Variants in LMTK2 observed in about 807,000 individuals in gnomAD.
The protein encoded by LMTK2 is serine/threonine-protein kinase LMTK2.
A neutral mutation model predicts 127.5 loss-of-function variants in LMTK2; 37 were observed. The ratio of observed to expected loss-of-function variants is 0.29; its 90% CI spans 0.22 to 0.38. The LOEUF is 0.38. LMTK2 is among the 10% of genes least tolerant of loss of function. LMTK2 has a pLI of 1.00. For synonymous variants in LMTK2, 819 were observed against 810.1 expected (o/e 1.01, Z -0.19); for missense variants, 1,694 against 1,920.3 (o/e 0.88, Z 2.20).
intron 8 of LMTK2, among the ~76,000 whole-genome samples, chr7:98,186,061 CTTT>C (rs368390468): frequency 6.9e-6 from 1 of 144,808 alleles, no homozygotes; most frequent in Non-Finnish European, 1.5e-5. Context: ...TGCATCATCT[CTTT>C]TTTTTTTTTT....
chr7:98,116,392 G>C (rs1181237520), intron 1 of LMTK2, among the ~76,000 whole-genome samples: 1 of 128,130 alleles, frequency 7.8e-6, no homozygotes, highest in Non-Finnish European at 1.6e-5. Flanking sequence ...GTGTGTGTCT[G>C]TGTGTGTGTG....
At chr7:98,128,325 A>G (rs1796472682) in intron 1 of LMTK2, among the ~76,000 whole-genome samples, 1 of 152,132 alleles carries the variant, frequency 6.6e-6, no homozygotes, top group African/African-American at 2.4e-5. Flanking sequence ...TTGTCCTTGT[A>G]AAATGGGGAA....
At position 98,193,083 on chromosome 7, in the gene LMTK2, A is replaced by G. The variant is rs779517800; in HGVS notation, c.2618A>G (p.Asp873Gly). ...VTVPVEILSTDARTHSLDNRS... is the reference protein window; with the variant it reads ...VTVPVEILSTGARTHSLDNRS... ...GTCCCGGTTGAAATTCTCTCAACTG[A>G]TGCCAGAACCCACAGCCTGGATAAC... Residue 873 changes from aspartate to glycine, a missense_variant, in exon 11 of 14, where the codon GAT becomes GGT. Physicochemically the swap from Asp to Gly is moderately conservative, Grantham distance 94 (BLOSUM62 -1). This residue lies in a region of LMTK2 where 527 missense variants were observed against 539.8 expected (regional missense o/e 0.98). Coordinates refer to ENST00000297293, the MANE Select transcript of LMTK2 (RefSeq NM_014916.4). The surrounding 1 kb of genome is among the most constrained non-coding windows in gnomAD (Gnocchi z 4.1). 1 of 1,613,818 alleles carries G rather than the reference A, an allele frequency of 6.2e-7. No homozygotes were observed. The highest frequency in any genetic ancestry group is 2.2e-5 in the East Asian group (1 of 44,864).
chr7:98,199,515 G>A (rs1417153301), intron 11 of LMTK2, among the ~76,000 whole-genome samples: 4 of 148,158 alleles, frequency 2.7e-5, no homozygotes, highest in Non-Finnish European at 5.9e-5. Context: ...TCTTTTTTCG[G>A]AGACAGTCTC....
At chr7:98,144,189 G>A (rs899704850) in intron 3 of LMTK2, among the ~76,000 whole-genome samples, 2 of 151,954 alleles carry the variant, frequency 1.3e-5, no homozygotes, top group Admixed American at 6.5e-5. Flanking sequence ...CCAGCACTTC[G>A]GGAGGCCGAG....
intron 7 of LMTK2, among the ~76,000 whole-genome samples, chr7:98,176,650 G>A (rs1053670704): frequency 6.6e-6 from 1 of 152,154 alleles, no homozygotes; most frequent in African/African-American, 2.4e-5. Context: ...TTTGAGACCA[G>A]CCTGGCCAAC....
At position 98,203,574 on chromosome 7, in the gene LMTK2, G is replaced by A; in HGVS notation, c.4108G>A (p.Glu1370Lys). 1 of 1,582,772 alleles carries A rather than the reference G, an allele frequency of 6.3e-7. No homozygotes were observed. The highest frequency in any genetic ancestry group is 1.4e-5 in the African/African-American group (1 of 72,700). ...CAGGAGTTTCTGTTTGACTTTTCAG[G>A]AGACCCCAACCAAAGAGCTGGGGCC... The part of the protein sequence containing the change: ...DDVTVYLFDQ[E>K]TPTKELGPCG... The change falls in exon 12 of 14, where the codon GAG becomes AAG. Residue 1370 changes from glutamate (E) to lysine (K), a missense_variant and splice_region_variant. Transcript: ENST00000297293.
At chr7:98,111,217 G>A (rs887533596) in intron 1 of LMTK2, among the ~76,000 whole-genome samples, 2 of 152,186 alleles carry the variant, frequency 1.3e-5, no homozygotes, top group Admixed American at 1.3e-4. Flanking sequence ...TGTGCTGAGT[G>A]TTCCTGCAAA....
intron 7 of LMTK2, among the ~76,000 whole-genome samples, chr7:98,183,447 G>A (rs1232926121): frequency 6.6e-6 from 1 of 152,112 alleles, no homozygotes; most frequent in African/African-American, 2.4e-5. Context: ...GATTGCAGTA[G>A]TGCGATCTCG....
At chr7:98,113,880 A>C (rs546796551) in intron 1 of LMTK2, among the ~76,000 whole-genome samples, 1 of 152,048 alleles carries the variant, frequency 6.6e-6, no homozygotes, top group Non-Finnish European at 1.5e-5. Context: ...TGGCATTACA[A>C]TTGTTTGTCA....
rs775683692 is a variant in LMTK2 at position 98,194,320 on chromosome 7, CGAG to C, written c.3861_3863del (p.Glu1287del). 2.5e-6 allele frequency: 4 copies of C among 1,613,962 alleles called. No individual in the cohort carries two copies. Among genetic ancestry groups the C allele is most frequent in the African/African-American group, 1.3e-5 (1 of 74,900 alleles). The stretch of plus-strand genomic sequence containing the variant: ...TCTCAGAGGACGGGATGGATGCAGA[CGAG>C]GAGGACGAAAACAGCGACGACTCGG... On this transcript the variant is annotated inframe_deletion, in exon 11 of 14. Transcript: ENST00000297293. The surrounding 1 kb of genome is among the most constrained non-coding windows in gnomAD (Gnocchi z 5.4).
chr7:98,173,289 A>G (rs552502041), intron 7 of LMTK2, among the ~76,000 whole-genome samples: 2 of 151,900 alleles, frequency 1.3e-5, no homozygotes, highest in South Asian at 4.2e-4. Context: ...ATAGTAAACA[A>G]ATCATTCTGG....
intron 6 of LMTK2, among the ~76,000 whole-genome samples, chr7:98,162,846 G>A (rs1039854573): frequency 6.6e-6 from 1 of 152,158 alleles, no homozygotes; most frequent in African/African-American, 2.4e-5. Flanking sequence ...GGTTATTATC[G>A]AAACCACTAT....
At chr7:98,189,841 C>T (rs140068075) in intron 9 of LMTK2, among the ~76,000 whole-genome samples, 12 of 152,134 alleles carry the variant, frequency 7.9e-5, no homozygotes, top group Non-Finnish European at 1.2e-4. Context: ...CAGCTGCCAG[C>T]GTGATGGGGG....
chr7:98,107,383 G>A (rs1796126257), intron 1 of LMTK2, 103 bp downstream of exon 1: 2 of 422,272 alleles, frequency 4.7e-6, no homozygotes, highest in Non-Finnish European at 3.8e-6. Context: ...CGGAGGGCCT[G>A]CCGGGGGCGG....
chr7:98,188,603 T>C (rs1562919136), intron 9 of LMTK2, among the ~76,000 whole-genome samples: 1 of 152,194 alleles, frequency 6.6e-6, no homozygotes, highest in Non-Finnish European at 1.5e-5. Context: ...CAACCCTCCT[T>C]CATTTCCGAA....
intron 3 of LMTK2, among the ~76,000 whole-genome samples, chr7:98,148,443 A>G (rs1250107092): frequency 6.6e-6 from 1 of 151,382 alleles, no homozygotes; most frequent in African/African-American, 2.4e-5. Context: ...CAGTGAGCCA[A>G]GATTGCTCCA....
At chr7:98,140,152 CTTTTCT>C (rs1796666576) in intron 2 of LMTK2, among the ~76,000 whole-genome samples, 21 of 59,120 alleles carry the variant, frequency 3.6e-4, no homozygotes, top group African/African-American at 6.3e-4. Flanking sequence ...CTTTTCTTTT[CTTTTCT>C]TTTCTTTTCT....
In LMTK2 at chr7:98,171,692, C is replaced by A; in HGVS notation, c.791+18C>A. On this transcript the variant is annotated intron_variant, in intron 7 of 13. Transcript: ENST00000297293. This position sits in a 1 kb window ranked among gnomAD's most constrained non-coding sequence, Gnocchi z 5.1. ...CTGCACAGGTGGGTACCTGCGTCAG[C>A]GGTGCACGCCCCACACAGCACCGGC... is the stretch of plus-strand genomic sequence containing the variant. The A allele has an allele frequency of 1.9e-6, 3 of 1,550,138 alleles. No individual in the cohort carries two copies. The highest frequency in any genetic ancestry group is 2.6e-6 in the Non-Finnish European group (3 of 1,151,360).
Sources: allele counts gnomAD v4.1 joint callset (sites outside exome capture counted in the v4.1 genomes callset), GRCh38; gene constraint gnomAD v4.1.1; regional missense constraint gnomAD v4.1.1; non-coding constraint Gnocchi (gnomAD v3.1); transcripts MANE v1.5; gene names NCBI Gene and HGNC (gene_info 2026-07-23, HGNC 2026-07-21).